Variants in PLXDC2 observed in about 807,000 individuals in gnomAD.
PLXDC2 encodes the protein plexin domain-containing protein 2.
A neutral mutation model predicts 68.9 loss-of-function variants in PLXDC2; 40 were observed. The observed-to-expected ratio is 0.58, with a 90% CI of 0.45 to 0.76. The LOEUF (loss-of-function observed/expected upper bound fraction) is 0.76, where lower values mean the gene tolerates loss of function less well. PLXDC2 is among the 30% of genes least tolerant of loss of function. The pLI, the probability that PLXDC2 is intolerant of heterozygous loss-of-function variation, is 0.00. For missense variants in PLXDC2, 644 were observed against 661.9 expected (o/e 0.97, Z 0.30); for synonymous variants, 243 against 234.2 (o/e 1.04, Z -0.34).
intron 4 of PLXDC2, among the ~76,000 whole-genome samples, chr10:20,114,426 C>G (rs1833597073): frequency 6.6e-6 from 1 of 152,202 alleles, no homozygotes. Context: ...ATGTCAGACG[C>G]TGTGTTGAAA....
intron 1 of PLXDC2, among the ~76,000 whole-genome samples, chr10:19,961,613 A>T (rs900585217): frequency 2.0e-5 from 3 of 152,202 alleles, no homozygotes; most frequent in Non-Finnish European, 4.4e-5. Flanking sequence ...GACAAAGCTG[A>T]TCCTGTTAAT....
intron 6 of PLXDC2, among the ~76,000 whole-genome samples, chr10:20,156,778 T>TA (rs2131806865): frequency 6.6e-6 from 1 of 152,194 alleles, no homozygotes; most frequent in Admixed American, 6.5e-5. Flanking sequence ...AGCTGTACAA[T>TA]AAAAAAAGAT....
chr10:20,073,504 C>T (rs1836377971), intron 4 of PLXDC2, among the ~76,000 whole-genome samples: 1 of 152,154 alleles, frequency 6.6e-6, no homozygotes, highest in Admixed American at 6.5e-5. Flanking sequence ...TATAGCTAAA[C>T]ATCTGGTCAT....
intron 4 of PLXDC2, among the ~76,000 whole-genome samples, chr10:20,126,213 A>G (rs1833774181): frequency 2.7e-5 from 4 of 146,726 alleles, no homozygotes; most frequent in African/African-American, 7.5e-5. Flanking sequence ...ACACACATAT[A>G]TGTTATATAA....
At chr10:19,887,490 C>T (rs1837869474) in intron 1 of PLXDC2, among the ~76,000 whole-genome samples, 4 of 152,088 alleles carry the variant, frequency 2.6e-5, no homozygotes, top group Admixed American at 2.6e-4. Flanking sequence ...CCACTGCTCT[C>T]CAGCCTGGGC....
rs1480487052 is a variant in PLXDC2, at chr10:20,018,694, G to A, written c.324+16708G>A. On this transcript the variant is annotated intron_variant, in intron 2 of 13. Coordinates refer to ENST00000377252, the MANE Select transcript of PLXDC2 (RefSeq NM_032812.9). ...CATTTAAACAATGACATTTCTTCAT[G>A]TAATCATTTTTTTCTTCTTTTTTTT... 3.3e-5 allele frequency among the ~76,000 whole-genome samples: 5 copies of A among 152,008 alleles called. No individual in the cohort carries two copies. The East Asian group carries it at 9.6e-4, about 29-fold the overall frequency.
chr10:19,828,087 A>G (rs1836608981), intron 1 of PLXDC2, among the ~76,000 whole-genome samples: 1 of 152,230 alleles, frequency 6.6e-6, no homozygotes, highest in Non-Finnish European at 1.5e-5. Context: ...ACGATGGAGG[A>G]GTGAGCTCAA....
chr10:20,135,545 G>A (rs1833922596), intron 4 of PLXDC2, among the ~76,000 whole-genome samples: 1 of 152,182 alleles, frequency 6.6e-6, no homozygotes, highest in Non-Finnish European at 1.5e-5. Flanking sequence ...TCAGGAAGAA[G>A]GTTTGGGCTT....
chr10:20,261,454 G>A (rs1327880300), intron 13 of PLXDC2, among the ~76,000 whole-genome samples: 1 of 152,186 alleles, frequency 6.6e-6, no homozygotes, highest in Non-Finnish European at 1.5e-5. Flanking sequence ...AGATACAAAT[G>A]TTGCTTAAAC....
At chr10:20,013,454 A>C (rs575076465) in intron 2 of PLXDC2, among the ~76,000 whole-genome samples, 1 of 152,120 alleles carries the variant, frequency 6.6e-6, no homozygotes, top group Non-Finnish European at 1.5e-5. Context: ...GTTTAATGAA[A>C]ATTTTTATAA....
chr10:19,855,899 C>T (rs964379446), intron 1 of PLXDC2, among the ~76,000 whole-genome samples: 8 of 152,078 alleles, frequency 5.3e-5, no homozygotes, highest in Admixed American at 2.6e-4. Context: ...TCCTGGCTAA[C>T]ATGGTGAAAT....
At chr10:20,266,376 A>C (rs1564371376) in intron 13 of PLXDC2, among the ~76,000 whole-genome samples, 2 of 151,664 alleles carry the variant, frequency 1.3e-5, no homozygotes, top group South Asian at 2.1e-4. Flanking sequence ...AAAAAAAAAA[A>C]CGTAATGACA....
chr10:20,165,626 CTGTT>C (rs1247686220), intron 7 of PLXDC2, among the ~76,000 whole-genome samples: 2 of 152,078 alleles, frequency 1.3e-5, no homozygotes, highest in Non-Finnish European at 2.9e-5. Context: ...TTGTGTAAAA[CTGTT>C]TGGGAGTCTA....
intron 4 of PLXDC2, among the ~76,000 whole-genome samples, chr10:20,080,768 A>G (rs1450877402): frequency 1.3e-5 from 2 of 152,106 alleles, no homozygotes; most frequent in African/African-American, 4.8e-5. Flanking sequence ...CAATCCAATC[A>G]AGTTGACCCC....
intron 3 of PLXDC2, among the ~76,000 whole-genome samples, chr10:20,054,477 A>G (rs1835960299): frequency 6.6e-6 from 1 of 151,994 alleles, no homozygotes; most frequent in Non-Finnish European, 1.5e-5. Flanking sequence ...GGTATAGGAT[A>G]GATGGATGGG....
Position 20,027,233 on chromosome 10 carries a change from GA to G in PLXDC2, c.325-19635del, listed in dbSNP as rs1433950106. Among the ~76,000 whole-genome samples the G allele has an allele frequency of 4.6e-5, 7 of 152,080 alleles. No individual in the cohort carries two copies. The East Asian group carries it at 1.4e-3, about 29-fold the overall frequency. On this transcript the variant is annotated intron_variant, in intron 2 of 13. Coordinates refer to ENST00000377252, the MANE Select transcript of PLXDC2 (RefSeq NM_032812.9). Reference sequence around the variant, plus strand: ...TCAATGTGTCCCCCAGAATTCATATGATTGAGGCTTAATCCCCAGTGCAACA... The same window carrying G: ...TCAATGTGTCCCCCAGAATTCATATGTTGAGGCTTAATCCCCAGTGCAACA...
At chr10:19,853,521 G>A (rs1255935760) in intron 1 of PLXDC2, among the ~76,000 whole-genome samples, 2 of 151,998 alleles carry the variant, frequency 1.3e-5, no homozygotes, top group Admixed American at 6.6e-5. Context: ...CTCTCAAAGT[G>A]TTGGGATTAC....
At chr10:20,043,387 G>A (rs184968263) in intron 2 of PLXDC2, 5 of 152,204 alleles carry the variant, frequency 3.3e-5, no homozygotes, top group Admixed American at 2.6e-4. Context: ...GGTAGACTTC[G>A]TAATTAGACT....
At chr10:20,257,860 T>G (rs766373845) in intron 13 of PLXDC2, among the ~76,000 whole-genome samples, 1 of 152,092 alleles carries the variant, frequency 6.6e-6, no homozygotes, top group African/African-American at 2.4e-5. Flanking sequence ...ATATATTCAC[T>G]AACAAATTTC....
Sources: allele counts gnomAD v4.1 joint callset (sites outside exome capture counted in the v4.1 genomes callset), GRCh38; gene constraint gnomAD v4.1.1; transcripts MANE v1.5; gene names NCBI Gene and HGNC (gene_info 2026-07-23, HGNC 2026-07-21).